PID1: variants seen among roughly 807,000 people sequenced by gnomAD.
PID1 encodes the protein PTB-containing, cubilin and LRP1-interacting protein.
A neutral mutation model predicts 19.1 loss-of-function variants in PID1; 10 were observed. The ratio of observed to expected loss-of-function variants is 0.52; its 90% confidence interval spans 0.32 to 0.89. The LOEUF (loss-of-function observed/expected upper bound fraction) is 0.89, where lower values mean the gene tolerates loss of function less well. PID1 is among the 40% of genes least tolerant of loss of function. PID1 has a pLI of 0.03. For synonymous variants in PID1, 130 were observed against 116.0 expected (o/e 1.12, Z -0.78); for missense variants, 248 against 285.3 (o/e 0.87, Z 0.94).
chr2:229,210,525 CAAAAA>C (rs1170895327), intron 1 of PID1, among the ~76,000 whole-genome samples: 3 of 15,534 alleles, frequency 1.9e-4, no homozygotes, highest in Admixed American at 1.4e-3. Flanking sequence ...AGTTTTGTCT[CAAAAA>C]AAAAAAAAAA....
At chr2:229,220,176 T>G (rs529064542) in intron 1 of PID1, among the ~76,000 whole-genome samples, 3 of 152,080 alleles carry the variant, frequency 2.0e-5, no homozygotes, top group Non-Finnish European at 4.4e-5. Flanking sequence ...CACTCCACCA[T>G]GCCCATCTAA....
At chr2:229,111,084 A>G (rs560618297) in intron 2 of PID1, among the ~76,000 whole-genome samples, 3 of 152,270 alleles carry the variant, frequency 2.0e-5, no homozygotes, top group South Asian at 2.1e-4. Context: ...TCTCTCCCTT[A>G]TCTGCTGCCA....
At chr2:229,148,958 G>C (rs1365453653) in intron 2 of PID1, among the ~76,000 whole-genome samples, 1 of 150,834 alleles carries the variant, frequency 6.6e-6, no homozygotes, top group East Asian at 1.9e-4. Flanking sequence ...GTGTAAGAAA[G>C]AATAAAGAGA....
Position 229,137,195 on chromosome 2 carries a change from T to C in PID1, c.177+18623A>G, listed in dbSNP as rs188403699. ...TTGAGGAATGCAGTTCTCTGATTCCTCATAAATAGCTGCTCTGCTTAATAC... is the reference window on the plus strand; with the variant it reads ...TTGAGGAATGCAGTTCTCTGATTCCCCATAAATAGCTGCTCTGCTTAATAC... On this transcript the variant is annotated intron_variant, in intron 2 of 2. Coordinates refer to ENST00000392055, the MANE Select transcript of PID1 (RefSeq NM_001100818.2). Among the ~76,000 whole-genome samples, 10 of 152,328 alleles carry C rather than the reference T, an allele frequency of 6.6e-5. No individual in the cohort carries two copies. The East Asian group carries it at 1.5e-3, about 23-fold the overall frequency.
intron 2 of PID1, among the ~76,000 whole-genome samples, chr2:229,095,154 C>T (rs1017064945): frequency 6.6e-6 from 1 of 152,118 alleles, no homozygotes; most frequent in African/African-American, 2.4e-5. Context: ...CACAGAGAGA[C>T]CCCGGTTTCT....
intron 2 of PID1, among the ~76,000 whole-genome samples, chr2:229,046,289 A>G (rs1693875561): frequency 6.6e-6 from 1 of 151,280 alleles, no homozygotes. Flanking sequence ...CTTTTCCTCC[A>G]AGGTTTTCTT....
intron 2 of PID1, among the ~76,000 whole-genome samples, chr2:229,040,196 A>C (rs561400710): frequency 6.6e-6 from 1 of 151,958 alleles, no homozygotes; most frequent in South Asian, 2.1e-4. Flanking sequence ...AGGAGGGCGG[A>C]TCACCTGAGG....
At chr2:229,212,735 T>C (rs1241972920) in intron 1 of PID1, among the ~76,000 whole-genome samples, 1 of 152,128 alleles carries the variant, frequency 6.6e-6, no homozygotes, top group African/African-American at 2.4e-5. Flanking sequence ...TAGTTAATAA[T>C]TAAGTAATAT....
intron 2 of PID1, among the ~76,000 whole-genome samples, chr2:229,139,356 C>T (rs966718180): frequency 2.0e-5 from 3 of 152,112 alleles, no homozygotes; most frequent in East Asian, 1.9e-4. Context: ...TAAAGACAAA[C>T]GACTACAGAT....
intron 1 of PID1, among the ~76,000 whole-genome samples, chr2:229,196,153 A>C (rs1691373055): frequency 6.6e-6 from 1 of 152,072 alleles, no homozygotes; most frequent in South Asian, 2.1e-4. Flanking sequence ...AGTAATAATA[A>C]CCTGGTTATA....
intron 2 of PID1, among the ~76,000 whole-genome samples, chr2:229,083,842 C>T (rs1694713229): frequency 6.6e-6 from 1 of 152,154 alleles, no homozygotes; most frequent in South Asian, 2.1e-4. Context: ...CAGCCAACGC[C>T]ACAAGAGAGC....
At position 229,194,711 on chromosome 2, in the gene PID1, G is replaced by A. The variant is rs779257467; in HGVS notation, c.31-38747C>T. 1.1e-4 allele frequency among the ~76,000 whole-genome samples: 16 copies of A among 151,868 alleles called. No homozygotes were observed. The East Asian group carries it at 1.5e-3, about 15-fold the overall frequency. ...CATATAACAGAATGCAATACATATC[G>A]GTTAATGTATGTGAGTGAGTGTGTG... is the stretch of plus-strand genomic sequence containing the variant. On this transcript the variant is annotated intron_variant, in intron 1 of 2. Transcript: ENST00000392055.
At chr2:229,203,451 A>C (rs1691541402) in intron 1 of PID1, among the ~76,000 whole-genome samples, 1 of 152,046 alleles carries the variant, frequency 6.6e-6, no homozygotes, top group Non-Finnish European at 1.5e-5. Context: ...TTTCTTTATA[A>C]CATTGATGAG....
chr2:229,210,612 A>G (rs1387695183), intron 1 of PID1, among the ~76,000 whole-genome samples: 1 of 150,342 alleles, frequency 6.7e-6, no homozygotes, highest in Admixed American at 6.7e-5. Flanking sequence ...ATCTTTTGCT[A>G]CACAAGTAAA....
rs551869562 is a variant in PID1 at position 229,263,415 on chromosome 2, A to C, written c.30+7599T>G. Among the ~76,000 whole-genome samples the C allele has an allele frequency of 1.1e-3, 172 of 152,278 alleles. 1 individual carries two copies. Among genetic ancestry groups the C allele is most frequent in the South Asian group, 9.1e-3 (44 of 4,824 alleles). On this transcript the variant is annotated intron_variant, in intron 1 of 2. Coordinates refer to ENST00000392055, the MANE Select transcript of PID1 (RefSeq NM_001100818.2). ...AGGAGGAAAAGGCTATTTCCCCAAG[A>C]AGCTTTATTTGTTATTCATGAAGGT...
rs140815891 is a variant in PID1 at position 229,099,145 on chromosome 2, G to A, written c.177+56673C>T. Among the ~76,000 whole-genome samples, 693 of 152,252 alleles carry A rather than the reference G, an allele frequency of 4.6e-3. 3 individuals carry two copies. Among genetic ancestry groups the A allele is most frequent in the African/African-American group, 0.016 (656 of 41,556 alleles). On this transcript the variant is annotated intron_variant, in intron 2 of 2. Coordinates refer to ENST00000392055, the MANE Select transcript of PID1 (RefSeq NM_001100818.2). ...GACAGGATTTTTCAAAGACCAACAT[G>A]CCCCTGAACCCCAAATCTTGTGCTG... is the stretch of plus-strand genomic sequence containing the variant.
In PID1 at chr2:229,025,734, C is replaced by A; in HGVS notation, c.552G>T (p.Glu184Asp). The part of the protein sequence containing the change: ...EAKKLAHAMM[E>D]AFRKTFHSMK... ...TACTGTGGAAAGTCTTCCTGAAGGC[C>A]TCCATCATGGCGTGGGCCAGTTTCT... is the stretch of plus-strand genomic sequence containing the variant. The change falls in exon 3 of 3, where the codon GAG (glutamate) becomes GAT (aspartate). Residue 184 changes from glutamate (E) to aspartate (D), a missense_variant. Transcript: ENST00000392055. 1 of 1,614,266 alleles carries A rather than the reference C, an allele frequency of 6.2e-7. No individual in the cohort carries two copies. The highest frequency in any genetic ancestry group is 8.5e-7 in the Non-Finnish European group (1 of 1,180,042).
intron 2 of PID1, among the ~76,000 whole-genome samples, chr2:229,068,463 T>C (rs749531805): frequency 6.6e-6 from 1 of 152,126 alleles, no homozygotes; most frequent in Non-Finnish European, 1.5e-5. Context: ...AAGGATTTCC[T>C]CTGGAAAACA....
At chr2:229,061,224 T>C (rs1298820222) in intron 2 of PID1, among the ~76,000 whole-genome samples, 2 of 152,120 alleles carry the variant, frequency 1.3e-5, no homozygotes, top group Admixed American at 1.3e-4. Flanking sequence ...CTTCTAGTAA[T>C]TTTATAGTTT....
Sources: gnomAD v4.1 joint callset for allele counts (sites outside exome capture counted in the v4.1 genomes callset) on GRCh38, gnomAD v4.1.1 for gene constraint, MANE v1.5 for transcripts, NCBI Gene and HGNC (gene_info 2026-07-23, HGNC 2026-07-21) for gene names.